LCK: variants seen among roughly 807,000 people sequenced by gnomAD.
The protein encoded by LCK is tyrosine-protein kinase Lck.
LCK carries 14 observed loss-of-function variants against 64.6 expected under a neutral mutation model. The observed-to-expected ratio is 0.22, with a 90% CI of 0.14 to 0.34. LCK has a LOEUF of 0.34. LCK is among the 10% of genes least tolerant of loss of function. The pLI is 1.00. For missense variants in LCK, 434 were observed against 668.1 expected, an observed-to-expected ratio of 0.65 and a Z score of 3.86; for synonymous variants, 277 against 263.6, an observed-to-expected ratio of 1.05 and a Z score of -0.49.
intron 2 of LCK, 63 bp downstream of exon 2, chr1:32,274,497 A>AGTTGGGTAGAG (rs1640194525): frequency 8.1e-6 from 11 of 1,364,110 alleles, no homozygotes; most frequent in Non-Finnish European, 1.1e-5. Flanking sequence ...CAGGAGAAAG[A>AGTTGGGTAGAG]AATGACCAGC....
intron 1 of LCK, chr1:32,274,017 G>A: frequency 4.7e-6 from 2 of 425,372 alleles, no homozygotes; most frequent in South Asian, 4.4e-5. Flanking sequence ...GAGGGAGGGG[G>A]CAGAGGCAGG....
chr1:32,266,579 C>T lies in LCK; in HGVS notation c.-5-7746C>T, dbSNP rs372956784. 3.8e-3 allele frequency among the ~76,000 whole-genome samples: 563 copies of T among 146,906 alleles called. 4 individuals carry two copies. Among genetic ancestry groups the T allele is most frequent in the African/African-American group, 0.014 (518 of 37,522 alleles). On this transcript the variant is annotated intron_variant, in intron 1 of 12. Transcript: ENST00000336890. Reference sequence around the variant, plus strand: ...GAGATTATAGGCCTGAGCTACTACGCCCTTTCTTCCTCCTCCTCCTCCTCC... The same window carrying T: ...GAGATTATAGGCCTGAGCTACTACGTCCTTTCTTCCTCCTCCTCCTCCTCC...
chr1:32,274,127 A>T, intron 1 of LCK, 198 bp from the exon 2 acceptor site: 1 of 1,199,042 alleles, frequency 8.3e-7, no homozygotes, highest in Non-Finnish European at 1.1e-6. Flanking sequence ...ATTTACTTGT[A>T]GCCTGAGGGC....
intron 1 of LCK, among the ~76,000 whole-genome samples, chr1:32,273,449 G>A (rs1026339536): frequency 4.0e-5 from 6 of 151,630 alleles, no homozygotes; most frequent in South Asian, 2.1e-4. Flanking sequence ...AATAGACTGC[G>A]GAGGTGGATT....
Position 32,279,752 on chromosome 1 carries a change from G to C in LCK, c.1041+5G>C. ...CTCCTGGACATGGCAGCCCAAGTAA[G>C]GAGACTGGGGAGGGGGGCTGGGCAA... On this transcript the variant is annotated splice_donor_5th_base_variant and intron_variant, in intron 10 of 12. Coordinates refer to ENST00000336890, the MANE Select transcript of LCK (RefSeq NM_005356.5). The C allele has an allele frequency of 6.2e-7, 1 of 1,610,376 alleles. No individual in the cohort carries two copies. The highest frequency in any genetic ancestry group is 8.5e-7 in the Non-Finnish European group (1 of 1,176,886).
intron 1 of LCK, among the ~76,000 whole-genome samples, chr1:32,270,358 C>T (rs1640043931): frequency 1.3e-5 from 2 of 151,498 alleles, no homozygotes; most frequent in African/African-American, 4.9e-5. Context: ...CCCACCTTGG[C>T]CTCCCAAAGT....
chr1:32,270,250 CTTTT>C (rs1195979098), intron 1 of LCK, among the ~76,000 whole-genome samples: 3 of 126,668 alleles, frequency 2.4e-5, no homozygotes, highest in Admixed American at 7.9e-5. Flanking sequence ...GCCCAGCTAA[CTTTT>C]TTTTTTTTTT....
At chr1:32,284,532 G>T (rs1640560061) in intron 12 of LCK, among the ~76,000 whole-genome samples, 1 of 151,584 alleles carries the variant, frequency 6.6e-6, no homozygotes. Context: ...ACCAAGCCTG[G>T]CTAATTTTTG....
chr1:32,274,445 A>G lies in LCK; in HGVS notation c.105+11A>G, dbSNP rs773981841. 2 of 1,601,798 alleles carry G rather than the reference A, an allele frequency of 1.2e-6. No individual in the cohort carries two copies. The highest frequency in any genetic ancestry group is 3.4e-5 in the Admixed American group (2 of 59,452). On this transcript the variant is annotated intron_variant, in intron 2 of 12. Transcript: ENST00000336890. Reference sequence around the variant, plus strand: ...GATGGCAAGGGCACGGTAAGAGGCGAGACAGGGGCCTTGGTGAGGGAGTTG... The same window carrying G: ...GATGGCAAGGGCACGGTAAGAGGCGGGACAGGGGCCTTGGTGAGGGAGTTG...
chr1:32,272,623 AAGAGAGAGAG>A (rs145594259), intron 1 of LCK, among the ~76,000 whole-genome samples: 3 of 123,106 alleles, frequency 2.4e-5, no homozygotes, highest in Non-Finnish European at 5.1e-5. Flanking sequence ...GAGAGAGAGA[AAGAGAGAGAG>A]AGAGAGAGAG....
chr1:32,255,820 T>TTTTG (rs1639618405), intron 1 of LCK, among the ~76,000 whole-genome samples: 1 of 145,618 alleles, frequency 6.9e-6, no homozygotes, highest in East Asian at 2.2e-4. Flanking sequence ...TTTTTTTTTT[T>TTTTG]GAGACAGTGT....
intron 1 of LCK, among the ~76,000 whole-genome samples, chr1:32,272,565 C>A (rs1020471545): frequency 3.0e-5 from 2 of 65,776 alleles, no homozygotes; most frequent in African/African-American, 6.1e-5. Context: ...GAAGGGAGAC[C>A]CTGTCTCAAG....
chr1:32,285,464 G>A (rs938068129), intron 12 of LCK, 50 bp from the exon 13 acceptor site: 2 of 1,526,214 alleles, frequency 1.3e-6, no homozygotes, highest in Non-Finnish European at 1.8e-6. Flanking sequence ...ACCCTTGCCT[G>A]TGGGCTTCCA....
At chr1:32,274,912 C>G in intron 3 of LCK, 81 bp from the exon 4 acceptor site, 1 of 1,614,030 alleles carries the variant, frequency 6.2e-7, no homozygotes, top group Non-Finnish European at 8.5e-7. Context: ...CCCGGTCTTG[C>G]CTTCCTTGTC....
At chr1:32,285,209 G>A (rs910017395) in intron 12 of LCK, among the ~76,000 whole-genome samples, 17 of 151,876 alleles carry the variant, frequency 1.1e-4, no homozygotes, top group Admixed American at 4.6e-4. Context: ...GCTGAGGCAG[G>A]AGAATTGTTT....
At chr1:32,277,981 G>A (rs1486371997) in intron 9 of LCK, among the ~76,000 whole-genome samples, 2 of 152,100 alleles carry the variant, frequency 1.3e-5, no homozygotes, top group Admixed American at 6.6e-5. Context: ...TTCAAGACCA[G>A]TCTGTGCAAC....
rs1640597472 is a variant in LCK at position 32,285,789 on chromosome 1, ATAGTCACATGGCC to A, written c.*76_*88del. On this transcript the variant is annotated 3_prime_UTR_variant, in exon 13 of 13. Transcript: ENST00000336890. ...CTTGGGGAGATGGAGTTCTTGTGCC[ATAGTCACATGGCC>A]TATGCACATATGGACTCTGCACATG... 9.6e-6 allele frequency: 14 copies of A among 1,464,714 alleles called. No homozygotes were observed. Among genetic ancestry groups the A allele is most frequent in the Non-Finnish European group, 1.3e-5 (14 of 1,071,856 alleles). The allele number at this position is 1,464,714 out of a possible 1,614,324, so 90.7% of individuals were successfully genotyped here.
intron 2 of LCK, 54 bp downstream of exon 2, chr1:32,274,488 A>G (rs963585538): frequency 7.0e-7 from 1 of 1,433,686 alleles, no homozygotes; most frequent in Non-Finnish European, 9.6e-7. Flanking sequence ...AATGCAACCC[A>G]GGAGAAAGAA....
rs562234030 is a variant in LCK, at chr1:32,260,105, G to T, written c.-6+8734G>T. ...TGTCGCCACGCTGGAGTGCAGTCCC[G>T]GGTTTAAGCAATTCTCCTGCCTCAG... is the stretch of plus-strand genomic sequence containing the variant. On this transcript the variant is annotated intron_variant, in intron 1 of 12. Coordinates refer to ENST00000336890, the MANE Select transcript of LCK (RefSeq NM_005356.5). Among the ~76,000 whole-genome samples the T allele has an allele frequency of 1.1e-3, 169 of 151,544 alleles. No individual in the cohort carries two copies. In the Middle Eastern group the frequency reaches 0.02, roughly 18 times the overall value.
Sources: gnomAD v4.1 joint callset for allele counts (sites outside exome capture counted in the v4.1 genomes callset) on GRCh38, gnomAD v4.1.1 for gene constraint, MANE v1.5 for transcripts, NCBI Gene and HGNC (gene_info 2026-07-23, HGNC 2026-07-21) for gene names.